Variants in AKR7A2 observed in about 807,000 individuals in gnomAD.
AKR7A2 encodes the protein aflatoxin B1 aldehyde reductase member 2.
Under a neutral mutation model 37.3 loss-of-function variants are expected in AKR7A2, and 29 were observed. That is an observed-to-expected ratio of 0.78 (90% confidence interval 0.58 to 1.06). AKR7A2 has a LOEUF of 1.06. AKR7A2 is among the 50% of genes least tolerant of loss of function. The probability of loss-of-function intolerance (pLI) is 0.00; values close to 1 mark genes in which losing one functional copy is unlikely to be tolerated. For missense variants in AKR7A2, 529 were observed against 497.9 expected, an observed-to-expected ratio of 1.06 and a Z score of -0.59; for synonymous variants, 228 against 217.8, an observed-to-expected ratio of 1.05 and a Z score of -0.41.
chr1:19,306,802 C>T (rs2093762329), intron 5 of AKR7A2, among the ~76,000 whole-genome samples, 200 bp downstream of exon 5: 1 of 152,196 alleles, frequency 6.6e-6, no homozygotes, highest in South Asian at 2.1e-4. Flanking sequence ...AAGACCCCAA[C>T]ATCCAGGGAT....
chr1:19,304,422 G>C, intron 6 of AKR7A2, 36 bp from the exon 7 acceptor site: 1 of 1,613,816 alleles, frequency 6.2e-7, no homozygotes, highest in Non-Finnish European at 8.5e-7. Context: ...ACCCTCTTCT[G>C]CTGCACAGCG....
chr1:19,306,648 T>G (rs2093762106), intron 5 of AKR7A2, among the ~76,000 whole-genome samples: 1 of 151,092 alleles, frequency 6.6e-6, no homozygotes, highest in Admixed American at 6.6e-5. Flanking sequence ...CCCAGGCTGG[T>G]CTTGAACTCA....
At chr1:19,307,829 G>GT (rs1218628775) in intron 3 of AKR7A2, 1 of 514,776 alleles carries the variant, frequency 1.9e-6, no homozygotes, top group African/African-American at 1.9e-5. Context: ...GGGCTGTCTA[G>GT]AAAGGCTTCC....
rs777885998 is a variant in AKR7A2, at chr1:19,308,582, C to A, written c.359G>T (p.Arg120Leu). Residue 120 changes from arginine to leucine, a missense_variant, in exon 2 of 7, where the codon CGG becomes CTG. Coordinates refer to ENST00000235835, the MANE Select transcript of AKR7A2 (RefSeq NM_003689.4). ...DGKSLKPDSV[R>L]SQLETSLKRL... ...CTTCAATGACGTCTCCAGCTGGGAC[C>A]GGACACTGTCAGGCTTTAGTGATTT... The A allele has an allele frequency of 1.2e-6, 2 of 1,614,168 alleles. No homozygotes were observed. The highest frequency in any genetic ancestry group is 1.7e-6 in the Non-Finnish European group (2 of 1,180,028).
At chr1:19,309,873 G>A (rs1206361920) in intron 1 of AKR7A2, among the ~76,000 whole-genome samples, 3 of 151,806 alleles carry the variant, frequency 2.0e-5, no homozygotes, top group Non-Finnish European at 2.9e-5. Context: ...TCAGGAGTTC[G>A]AGACCAGCCT....
chr1:19,303,375 G>T (rs1237476216), downstream of AKR7A2, among the ~76,000 whole-genome samples: 1 of 152,206 alleles, frequency 6.6e-6, no homozygotes, highest in African/African-American at 2.4e-5. Flanking sequence ...CATGGCTGGA[G>T]GGATTTTGGT....
rs1427074487 is a variant in AKR7A2 at position 19,312,011 on chromosome 1, G to T, written c.114C>A (p.Val38=). Residue 38 remains valine (V), a synonymous_variant, in exon 1 of 7, where the codon GTC becomes GTA. Coordinates refer to ENST00000235835, the MANE Select transcript of AKR7A2 (RefSeq NM_003689.4). ...TCTCCATGGTGCCCAGCACCGAGGC[G>T]ACCCGCGGTGGCGGTGGCCGGGACA... The part of the protein sequence containing the change: ...LAMSRPPPPR[V]ASVLGTMEMG... The T allele has an allele frequency of 1.5e-5, 22 of 1,468,302 alleles. No homozygotes were observed. The highest frequency in any genetic ancestry group is 2.0e-5 in the Non-Finnish European group (22 of 1,114,106). The allele number at this position is 1,468,302 out of a possible 1,614,324, so 91.0% of individuals were successfully genotyped here. A position where few individuals can be genotyped will look rare whatever the true frequency, so the allele number is the denominator to read the frequency against.
At chr1:19,310,638 C>T (rs2093771348) in intron 1 of AKR7A2, among the ~76,000 whole-genome samples, 1 of 152,172 alleles carries the variant, frequency 6.6e-6, no homozygotes, top group South Asian at 2.1e-4. Flanking sequence ...TGCCATTGCA[C>T]TCCACCCTGG....
At chr1:19,308,333 C>A (rs2093765815) in intron 2 of AKR7A2, 71 bp from the exon 3 acceptor site, 1 of 1,606,282 alleles carries the variant, frequency 6.2e-7, no homozygotes, top group Non-Finnish European at 8.5e-7. Flanking sequence ...GGTGGGGCCC[C>A]AGGGAATGGG....
Position 19,306,065 on chromosome 1 carries a change from C to A in AKR7A2, c.871G>T (p.Val291Leu). ...QAAYGASAPS[V>L]TSAALRWMYH... The stretch of plus-strand genomic sequence containing the variant: ...ATCCACCGGAGGGCAGCCGAGGTCA[C>A]ACTGGGGGCGCTGGCGCCATATGCG... Residue 291 changes from valine to leucine, a missense_variant, in exon 6 of 7, where the codon GTG becomes TTG. By Grantham distance (32) the Val-to-Leu change is conservative. Coordinates refer to ENST00000235835, the MANE Select transcript of AKR7A2 (RefSeq NM_003689.4). 6.2e-7 allele frequency: 1 copy of A among 1,614,152 alleles called. No homozygotes were observed. Among genetic ancestry groups the A allele is most frequent in the Admixed American group, 1.7e-5 (1 of 60,028 alleles).
rs1195460399 is a variant in AKR7A2, at chr1:19,304,146, G to C, written c.*79C>G. ...AATTCAGAAAAACCCTTCTAAGTCA[G>C]CTTAAGGCCAAGACTGGTCAGTGTG... On this transcript the variant is annotated 3_prime_UTR_variant, in exon 7 of 7. Coordinates refer to ENST00000235835, the MANE Select transcript of AKR7A2 (RefSeq NM_003689.4). 5.0e-6 allele frequency: 8 copies of C among 1,608,430 alleles called. No homozygotes were observed. Among genetic ancestry groups the C allele is most frequent in the Non-Finnish European group, 6.8e-6 (8 of 1,175,012 alleles).
At chr1:19,306,170 C>A in intron 5 of AKR7A2, 23 bp from the exon 6 acceptor site, 1 of 1,614,158 alleles carries the variant, frequency 6.2e-7, no homozygotes, top group Non-Finnish European at 8.5e-7. Flanking sequence ...GATGTTAGCA[C>A]AGGGGTCAGT....
intron 6 of AKR7A2, among the ~76,000 whole-genome samples, chr1:19,305,477 G>A (rs935115379): frequency 6.6e-6 from 1 of 152,154 alleles, no homozygotes; most frequent in Non-Finnish European, 1.5e-5. Context: ...AGCTGGGAAC[G>A]TAGGAGCAAG....
At chr1:19,308,322 G>A in intron 2 of AKR7A2, 60 bp from the exon 3 acceptor site, 2 of 1,610,906 alleles carry the variant, frequency 1.2e-6, no homozygotes, top group Non-Finnish European at 1.7e-6. Context: ...GGGGAGGCCA[G>A]GGTGGGGCCC....
At chr1:19,311,257 T>C (rs2093774171) in intron 1 of AKR7A2, among the ~76,000 whole-genome samples, 1 of 152,148 alleles carries the variant, frequency 6.6e-6, no homozygotes, top group Non-Finnish European at 1.5e-5. Flanking sequence ...TTCCCTCCTA[T>C]GGCCCCAAGT....
In AKR7A2 at chr1:19,306,051, G is replaced by C; in HGVS notation, c.885C>G (p.Ala295=). The change falls in exon 6 of 7, where the codon GCC becomes GCG. Residue 295 remains alanine (A), a synonymous_variant. Transcript: ENST00000235835. The part of the protein sequence containing the change: ...GASAPSVTSA[A]LRWMYHHSQL... ...GTGAGTGGTGGTACATCCACCGGAG[G>C]GCAGCCGAGGTCACACTGGGGGCGC... The C allele has an allele frequency of 6.2e-7, 1 of 1,614,112 alleles. No individual in the cohort carries two copies. Among genetic ancestry groups the C allele is most frequent in the East Asian group, 2.2e-5 (1 of 44,892 alleles).
At chr1:19,310,067 C>A (rs1193561243) in intron 1 of AKR7A2, among the ~76,000 whole-genome samples, 1 of 150,946 alleles carries the variant, frequency 6.6e-6, no homozygotes, top group African/African-American at 2.4e-5. Context: ...CAGAGTGAGA[C>A]TCTGTGTCAA....
At chr1:19,308,774 G>A in intron 1 of AKR7A2, 132 bp from the exon 2 acceptor site, 1 of 901,994 alleles carries the variant, frequency 1.1e-6, no homozygotes, top group African/African-American at 1.6e-5. Context: ...TAATCAAACT[G>A]TCCTCATTGG....
Position 19,304,217 on chromosome 1 carries a change from T to G in AKR7A2, c.*8A>C, listed in dbSNP as rs760217273. 1.9e-6 allele frequency: 3 copies of G among 1,614,012 alleles called. No individual in the cohort carries two copies. The highest frequency in any genetic ancestry group is 2.5e-6 in the Non-Finnish European group (3 of 1,180,032). ...GAAAAGCCTTGGGCAGCCTGAGCCA[T>G]GATGGGCCTAGCGGAAGTAGTTGGG... On this transcript the variant is annotated 3_prime_UTR_variant, in exon 7 of 7. Coordinates refer to ENST00000235835, the MANE Select transcript of AKR7A2 (RefSeq NM_003689.4).
Sources: allele counts gnomAD v4.1 joint callset (sites outside exome capture counted in the v4.1 genomes callset), GRCh38; gene constraint gnomAD v4.1.1; transcripts MANE v1.5; gene names NCBI Gene and HGNC (gene_info 2026-07-23, HGNC 2026-07-21).